Variants in LRP10 observed in about 807,000 individuals in gnomAD.
LRP10 encodes the protein LDL receptor related protein 10.
A neutral mutation model predicts 58.5 loss-of-function variants in LRP10; 42 were observed. The ratio of observed to expected loss-of-function variants is 0.72; its 90% confidence interval spans 0.56 to 0.93. The LOEUF is 0.93. Ranked by LOEUF, LRP10 falls within the 40% of genes least tolerant of loss-of-function variation. LRP10 has a pLI of 0.00. For missense variants in LRP10, 872 were observed against 940.1 expected, an observed-to-expected ratio of 0.93 and a Z score of 0.95; for synonymous variants, 377 against 388.5, an observed-to-expected ratio of 0.97 and a Z score of 0.35.
At position 22,876,984 on chromosome 14, in the gene LRP10, C is replaced by A. The variant is rs149948145; in HGVS notation, c.1599C>A (p.Arg533=). 6.2e-6 allele frequency: 10 copies of A among 1,604,836 alleles called. No homozygotes were observed. Among genetic ancestry groups the A allele is most frequent in the Non-Finnish European group, 8.5e-6 (10 of 1,175,248 alleles). The change falls in exon 7 of 7, where the codon CGC becomes CGA. Residue 533 remains arginine, a synonymous_variant. Transcript: ENST00000359591. ...TGCGTTCTCTGCTACAGATCTTACG[C>A]CAGGATATGACTCCAGGAGGTGGCC... The part of the protein sequence containing the change: ...GNLRSLLQIL[R]QDMTPGGGPG...
chr14:22,872,638 C>G, intron 1 of LRP10, 100 bp from the exon 2 acceptor site: 2 of 1,195,842 alleles, frequency 1.7e-6, no homozygotes, highest in Non-Finnish European at 2.4e-6. Flanking sequence ...TTCCGATTAA[C>G]TGCCCGGAAG....
Position 22,872,197 on chromosome 14 carries a change from C to A in LRP10, c.-107C>A. On this transcript the variant is annotated 5_prime_UTR_variant, in exon 1 of 7. In the 5' UTR this introduces an upstream ATG that the reference lacks. Coordinates refer to ENST00000359591, the MANE Select transcript of LRP10 (RefSeq NM_014045.5). Reference sequence around the variant, plus strand: ...GTCGAGCCCGGGCCATGGAGCCCCCCTGGGGAGGCGGCACCAGGGAGCCTG... The same window carrying A: ...GTCGAGCCCGGGCCATGGAGCCCCCATGGGGAGGCGGCACCAGGGAGCCTG... 8.4e-7 allele frequency: 1 copy of A among 1,183,904 alleles called. No individual in the cohort carries two copies. 73.3% of individuals were successfully genotyped at this position (1,183,904 alleles called of 1,614,324 possible). A position where few individuals can be genotyped will look rare whatever the true frequency, so the allele number is the denominator to read the frequency against.
At position 22,875,870 on chromosome 14, in the gene LRP10, T is replaced by C. The variant is rs1208882830; in HGVS notation, c.922T>C (p.Cys308Arg). Residue 308 changes from cysteine (C) to arginine (R), a missense_variant, in exon 5 of 7, where the codon TGC (cysteine) becomes CGC (arginine). Transcript: ENST00000359591. ...FNATYHVRGY[C>R]LPWDRPCGLG... ...TGCCACCTACCATGTGCGGGGCTAT[T>C]GCTTGCCTTGGGACAGACCCTGTGG... The C allele has an allele frequency of 1.2e-6, 2 of 1,613,658 alleles. No homozygotes were observed. Among genetic ancestry groups the C allele is most frequent in the Admixed American group, 1.7e-5 (1 of 60,006 alleles).
rs530735857 is a variant in LRP10, at chr14:22,880,959, G to C, written c.*3432G>C. The C allele has an allele frequency of 1.3e-5, 2 of 152,128 alleles. No individual in the cohort carries two copies. The highest frequency in any genetic ancestry group is 4.1e-4 in the South Asian group (2 of 4,834). 9.4% of individuals were successfully genotyped at this position (152,128 alleles called of 1,614,324 possible). On this transcript the variant is annotated 3_prime_UTR_variant, in exon 7 of 7. Coordinates refer to ENST00000359591, the MANE Select transcript of LRP10 (RefSeq NM_014045.5). ...GCAAAGGTTGCAGTGAGCTGAGATC[G>C]CGCCACTGCACTCCAGCCTGGCAAC...
At position 22,875,760 on chromosome 14, in the gene LRP10, G is replaced by C; in HGVS notation, c.812G>C (p.Gly271Ala). 6.2e-7 allele frequency: 1 copy of C among 1,614,108 alleles called. No homozygotes were observed. Among genetic ancestry groups the C allele is most frequent in the Non-Finnish European group, 8.5e-7 (1 of 1,179,958 alleles). The change falls in exon 5 of 7, where the codon GGC becomes GCC. Residue 271 changes from glycine (G) to alanine (A), a missense_variant. By Grantham distance (60) the Gly-to-Ala change is moderately conservative. Coordinates refer to ENST00000359591, the MANE Select transcript of LRP10 (RefSeq NM_014045.5). Reference sequence around the variant, plus strand: ...CGTAGTCTCACCCACTTCAGCAATGGCAAGGCTGTCACTGTGGAGACACTG... The same window carrying C: ...CGTAGTCTCACCCACTTCAGCAATGCCAAGGCTGTCACTGTGGAGACACTG... ...LLRSLTHFSN[G>A]KAVTVETLSG...
intron 3 of LRP10, among the ~76,000 whole-genome samples, chr14:22,874,021 G>A (rs888089614): frequency 6.6e-6 from 1 of 152,154 alleles, no homozygotes; most frequent in Non-Finnish European, 1.5e-5. Flanking sequence ...CTCTGCAAAC[G>A]GTCCTCAGCT....
rs769928705 is a variant in LRP10 at position 22,873,398 on chromosome 14, A to G, written c.167A>G (p.Asn56Ser). 1.2e-6 allele frequency: 2 copies of G among 1,614,062 alleles called. No individual in the cohort carries two copies. Among genetic ancestry groups the G allele is most frequent in the Admixed American group, 3.3e-5 (2 of 60,022 alleles). The change falls in exon 3 of 7, where the codon AAC (asparagine) becomes AGC (serine). Residue 56 changes from asparagine (N) to serine (S), a missense_variant. Physicochemically the swap from Asn to Ser is conservative, Grantham distance 46. Coordinates refer to ENST00000359591, the MANE Select transcript of LRP10 (RefSeq NM_014045.5). ...CGGGACAGCCGCACCTCCCCTGCCA[A>G]CTGCACCTGGCTCATCCTGGGCAGC... ...LVRDSRTSPA[N>S]CTWLILGSKE...
chr14:22,873,248 G>A, intron 2 of LRP10, 63 bp from the exon 3 acceptor site: 1 of 1,558,942 alleles, frequency 6.4e-7, no homozygotes, highest in Non-Finnish European at 8.7e-7. Flanking sequence ...CCTCCAAGCG[G>A]AAGGGGAAGG....
chr14:22,875,068 C>T lies in LRP10; in HGVS notation c.229C>T (p.His77Tyr), dbSNP rs1433586165. The T allele has an allele frequency of 6.3e-7, 1 of 1,581,836 alleles. No homozygotes were observed. The highest frequency in any genetic ancestry group is 8.6e-7 in the Non-Finnish European group (1 of 1,163,036). Residue 77 changes from histidine to tyrosine, a missense_variant, in exon 4 of 7, where the codon CAC (histidine) becomes TAC (tyrosine). His to Tyr is a moderately conservative substitution (Grantham distance 83). Coordinates refer to ENST00000359591, the MANE Select transcript of LRP10 (RefSeq NM_014045.5). ...CTACTCCCATAGGTTCCAGAAGCTACACCTGGCCTGTGGCTCAGAGCGCTT... is the reference window on the plus strand; with the variant it reads ...CTACTCCCATAGGTTCCAGAAGCTATACCTGGCCTGTGGCTCAGAGCGCTT... ...QTVTIRFQKLHLACGSERLTL... is the reference protein window; with the variant it reads ...QTVTIRFQKLYLACGSERLTL...
rs772482762 is a variant in LRP10, at chr14:22,872,760, C to T, written c.57C>T (p.Asp19=). The stretch of plus-strand genomic sequence containing the variant: ...TAGGAGGCGCTCTGGCCCATCCAGA[C>T]CGGATTATTTTTCCAAATCATGGTG... ...LLLGGALAHP[D]RIIFPNHACE... Residue 19 remains aspartate, a synonymous_variant, in exon 2 of 7, where the codon GAC becomes GAT. Coordinates refer to ENST00000359591, the MANE Select transcript of LRP10 (RefSeq NM_014045.5). The T allele has an allele frequency of 5.4e-5, 87 of 1,614,024 alleles. No homozygotes were observed. The highest frequency in any genetic ancestry group is 6.9e-5 in the Non-Finnish European group (82 of 1,180,028).
chr14:22,873,395 C>T lies in LRP10; in HGVS notation c.164C>T (p.Ala55Val), dbSNP rs2039975306. 1 of 1,614,070 alleles carries T rather than the reference C, an allele frequency of 6.2e-7. No individual in the cohort carries two copies. Among genetic ancestry groups the T allele is most frequent in the Non-Finnish European group, 8.5e-7 (1 of 1,180,032 alleles). ...PLVRDSRTSP[A>V]NCTWLILGSK... The stretch of plus-strand genomic sequence containing the variant: ...GTCCGGGACAGCCGCACCTCCCCTG[C>T]CAACTGCACCTGGCTCATCCTGGGC... Residue 55 changes from alanine (A) to valine (V), a missense_variant, in exon 3 of 7, where the codon GCC (alanine) becomes GTC (valine). Transcript: ENST00000359591.
chr14:22,875,883 A>G lies in LRP10; in HGVS notation c.935A>G (p.Asp312Gly). The G allele has an allele frequency of 1.9e-6, 3 of 1,613,508 alleles. No homozygotes were observed. In the African/African-American group the frequency reaches 4.0e-5, roughly 22 times the overall value. Residue 312 changes from aspartate to glycine, a missense_variant, in exon 5 of 7, where the codon GAC becomes GGC. Physicochemically the swap from Asp to Gly is moderately conservative, Grantham distance 94. Coordinates refer to ENST00000359591, the MANE Select transcript of LRP10 (RefSeq NM_014045.5). ...YHVRGYCLPW[D>G]RPCGLGSGLG... ...GTGCGGGGCTATTGCTTGCCTTGGG[A>G]CAGACCCTGTGGCTTAGGCTCTGGC...
rs765280436 is a variant in LRP10 at position 22,876,838 on chromosome 14, C to G, written c.1554+20C>G. On this transcript the variant is annotated intron_variant, in intron 6 of 6. Coordinates refer to ENST00000359591, the MANE Select transcript of LRP10 (RefSeq NM_014045.5). ...AATGATGTAAGTCACTCCCCACAACCCTAGCACCTCCTGGTCCCAGTTCTG... is the reference window on the plus strand; with the variant it reads ...AATGATGTAAGTCACTCCCCACAACGCTAGCACCTCCTGGTCCCAGTTCTG... 4 of 1,611,476 alleles carry G rather than the reference C, an allele frequency of 2.5e-6. No homozygotes were observed. Among genetic ancestry groups the G allele is most frequent in the East Asian group, 2.2e-5 (1 of 44,852 alleles).
chr14:22,874,887 CTAAA>C (rs1036768461), intron 3 of LRP10, among the ~76,000 whole-genome samples, 164 bp from the exon 4 acceptor site: 3 of 152,102 alleles, frequency 2.0e-5, no homozygotes, highest in South Asian at 2.1e-4. Context: ...AACTCTGTCT[CTAAA>C]TAAATAAATA....
Position 22,879,267 on chromosome 14 carries a change from T to G in LRP10, c.*1740T>G. ...TGTGCAGTTCTGGGACCCTGGCACC[T>G]TGGCTCAGGGAAGACCCGAGCTCCT... On this transcript the variant is annotated 3_prime_UTR_variant, in exon 7 of 7. Coordinates refer to ENST00000359591, the MANE Select transcript of LRP10 (RefSeq NM_014045.5). 2 of 455,232 alleles carry G rather than the reference T, an allele frequency of 4.4e-6. No individual in the cohort carries two copies. The highest frequency in any genetic ancestry group is 4.4e-6 in the Non-Finnish European group (1 of 225,858). The allele number at this position is 455,232 out of a possible 1,614,324, so 28.2% of individuals were successfully genotyped here. A position where few individuals can be genotyped will look rare whatever the true frequency, so the allele number is the denominator to read the frequency against.
chr14:22,873,569 G>A, intron 3 of LRP10, 123 bp downstream of exon 3: 1 of 1,264,908 alleles, frequency 7.9e-7, no homozygotes. Flanking sequence ...TTGTCACCCG[G>A]GCTGGAGTGC....
chr14:22,872,460 C>T, intron 1 of LRP10, 123 bp downstream of exon 1: 1 of 1,155,404 alleles, frequency 8.7e-7, no homozygotes, highest in Non-Finnish European at 1.3e-6. Flanking sequence ...GCCGCCAGCC[C>T]CAGCACTGCC....
Position 22,875,739 on chromosome 14 carries a change from G to C in LRP10, c.791G>C (p.Ser264Thr). 1 of 1,614,036 alleles carries C rather than the reference G, an allele frequency of 6.2e-7. No individual in the cohort carries two copies. The highest frequency in any genetic ancestry group is 8.5e-7 in the Non-Finnish European group (1 of 1,179,906). ...GPPESSRLLR[S>T]LTHFSNGKAV... is the part of the protein sequence containing the mutation. ...CCTGAGAGCTCCCGACTACTGCGTAGTCTCACCCACTTCAGCAATGGCAAG... is the reference window on the plus strand; with the variant it reads ...CCTGAGAGCTCCCGACTACTGCGTACTCTCACCCACTTCAGCAATGGCAAG... The change falls in exon 5 of 7, where the codon AGT becomes ACT. Residue 264 changes from serine (S) to threonine (T), a missense_variant. Transcript: ENST00000359591.
intron 2 of LRP10, 101 bp from the exon 3 acceptor site, chr14:22,873,210 C>T: frequency 2.1e-6 from 3 of 1,444,600 alleles, no homozygotes; most frequent in Non-Finnish European, 2.8e-6. Context: ...CTCCTCCTTG[C>T]AGAGCCCAGA....
Sources: gnomAD v4.1 joint callset for allele counts (sites outside exome capture counted in the v4.1 genomes callset) on GRCh38, gnomAD v4.1.1 for gene constraint, MANE v1.5 for transcripts, NCBI Gene and HGNC (gene_info 2026-07-23, HGNC 2026-07-21) for gene names.